PKD2L1: variants seen among roughly 807,000 people sequenced by gnomAD.
The protein encoded by PKD2L1 is polycystin 2 like 1, transient receptor potential cation channel.
In PKD2L1, 77 loss-of-function variants were observed where a neutral mutation model predicts 93.0. The ratio of observed to expected loss-of-function variants is 0.83; its 90% CI spans 0.69 to 1.00. PKD2L1 has a LOEUF of 1.00. Ranked by LOEUF, PKD2L1 falls within the 50% of genes least tolerant of loss-of-function variation. The pLI is 0.00. For missense variants in PKD2L1, 977 were observed against 990.9 expected, an observed-to-expected ratio of 0.99 and a Z score of 0.19; for synonymous variants, 390 against 388.0, an observed-to-expected ratio of 1.01 and a Z score of -0.06.
At chr10:100,314,985 A>G (rs1224962496) in intron 2 of PKD2L1, among the ~76,000 whole-genome samples, 1 of 8,516 alleles carries the variant, frequency 1.2e-4, no homozygotes, top group Non-Finnish European at 2.3e-4. Flanking sequence ...GAAGGAAGGA[A>G]GGAAGGAAGG....
intron 2 of PKD2L1, among the ~76,000 whole-genome samples, chr10:100,306,855 CAAAA>C (rs61413476): frequency 4.0e-5 from 2 of 49,888 alleles, no homozygotes; most frequent in Non-Finnish European, 6.5e-5. Context: ...GAGACCCTGT[CAAAA>C]AAAAAAAAAA....
rs1287742980 is a variant in PKD2L1 at position 100,297,195 on chromosome 10, A to G, written c.970T>C (p.Phe324Leu). ...LFCVLRLVVEFPATGGAIPSW... is the reference protein window; with the variant it reads ...LFCVLRLVVELPATGGAIPSW... ...GGGATGGCACCTCCTGTAGCTGGAA[A>G]CTCCACCACCAGCCTATAGGGGGAG... The change falls in exon 6 of 16, where the codon TTT becomes CTT. Residue 324 changes from phenylalanine to leucine, a missense_variant. By Grantham distance (22) the Phe-to-Leu change is conservative. Coordinates refer to ENST00000318222, the MANE Select transcript of PKD2L1 (RefSeq NM_016112.3). 1 of 1,613,350 alleles carries G rather than the reference A, an allele frequency of 6.2e-7. No individual in the cohort carries two copies. The highest frequency in any genetic ancestry group is 1.3e-5 in the African/African-American group (1 of 74,774).
chr10:100,328,610 A>T (rs1325548364), intron 2 of PKD2L1, among the ~76,000 whole-genome samples: 1 of 149,630 alleles, frequency 6.7e-6, no homozygotes. Context: ...TTTTGGAGAC[A>T]GAGAGACAGA....
At chr10:100,329,105 G>A (rs758165910) in intron 2 of PKD2L1, 106 bp downstream of exon 2, 3 of 1,049,246 alleles carry the variant, frequency 2.9e-6, no homozygotes, top group Non-Finnish European at 2.8e-6. Flanking sequence ...TGCTTACACA[G>A]ATAGATGCTC....
intron 13 of PKD2L1, 119 bp from the exon 14 acceptor site, chr10:100,290,257 C>T (rs1848376128): frequency 7.1e-7 from 1 of 1,404,882 alleles, no homozygotes; most frequent in African/African-American, 1.4e-5. Flanking sequence ...AGGGAAGACC[C>T]AGCCTTGTAG....
intron 2 of PKD2L1, among the ~76,000 whole-genome samples, chr10:100,321,646 C>G (rs1286387910): frequency 7.8e-6 from 1 of 128,644 alleles, no homozygotes; most frequent in Admixed American, 9.1e-5. Context: ...GCACTCCAGC[C>G]TGGGCAACAG....
chr10:100,290,579 G>T, intron 12 of PKD2L1, 60 bp from the exon 13 acceptor site: 1 of 1,040,318 alleles, frequency 9.6e-7, no homozygotes, highest in Non-Finnish European at 1.5e-6. Flanking sequence ...ATCAGCTCCT[G>T]TTCTATCACC....
At position 100,320,319 on chromosome 10, in the gene PKD2L1, C is replaced by G. The variant is rs116804199; in HGVS notation, c.349+8892G>C. On this transcript the variant is annotated intron_variant, in intron 2 of 15. Coordinates refer to ENST00000318222, the MANE Select transcript of PKD2L1 (RefSeq NM_016112.3). ...CATATTGCCTGCATGAAAAAGATAA[C>G]TCTATTTTAGCCAGATGAGATTCCA... Among the ~76,000 whole-genome samples, 1,445 of 152,282 alleles carry G rather than the reference C, an allele frequency of 9.5e-3. 18 individuals are homozygous for G. Among genetic ancestry groups the G allele is most frequent in the African/African-American group, 0.032 (1,322 of 41,550 alleles).
At position 100,291,748 on chromosome 10, in the gene PKD2L1, C is replaced by T. The variant is rs566937704; in HGVS notation, c.1881-321G>A. 2.5e-3 allele frequency among the ~76,000 whole-genome samples: 379 copies of T among 152,246 alleles called. 1 individual carries two copies. The highest frequency in any genetic ancestry group is 8.9e-3 in the African/African-American group (370 of 41,512). On this transcript the variant is annotated intron_variant, in intron 11 of 15. Transcript: ENST00000318222. ...CTGAAATCCATCCTCCATAATACAA[C>T]TAGAGTAATTAACCTTTCTAATATG...
At chr10:100,289,520 CAA>C (rs1183242892) in intron 14 of PKD2L1, among the ~76,000 whole-genome samples, 2 of 151,980 alleles carry the variant, frequency 1.3e-5, no homozygotes, top group Non-Finnish European at 2.9e-5. Context: ...GCCTGGCCAA[CAA>C]GAGTAAAATT....
At chr10:100,313,466 C>T (rs987646584) in intron 2 of PKD2L1, among the ~76,000 whole-genome samples, 1 of 152,096 alleles carries the variant, frequency 6.6e-6, no homozygotes, top group African/African-American at 2.4e-5. Flanking sequence ...GATAAGGGAG[C>T]GGTAACTAAG....
intron 14 of PKD2L1, 99 bp from the exon 15 acceptor site, chr10:100,289,155 A>T (rs1848347770): frequency 3.9e-6 from 3 of 772,646 alleles, no homozygotes; most frequent in Non-Finnish European, 6.3e-6. Context: ...ACTGCTATAG[A>T]CTGTTTGCGT....
intron 3 of PKD2L1, 151 bp downstream of exon 3, chr10:100,299,440 T>C (rs1848627999): frequency 1.2e-5 from 8 of 668,786 alleles, no homozygotes; most frequent in East Asian, 2.6e-5. Flanking sequence ...ACCTGAACTC[T>C]AGACTAACCC....
At chr10:100,317,424 A>G (rs148769855) in intron 2 of PKD2L1, among the ~76,000 whole-genome samples, 311 of 152,234 alleles carry the variant, frequency 2.0e-3, no homozygotes, top group African/African-American at 7.3e-3. Context: ...CTGTAGTCCC[A>G]GCTACTTGGG....
chr10:100,322,999 T>C (rs1849295953), intron 2 of PKD2L1, among the ~76,000 whole-genome samples: 1 of 152,198 alleles, frequency 6.6e-6, no homozygotes, highest in South Asian at 2.1e-4. Flanking sequence ...AAGTAGTCAG[T>C]GAGATAAAGT....
chr10:100,304,863 T>C (rs977256995), intron 2 of PKD2L1, among the ~76,000 whole-genome samples: 1 of 152,180 alleles, frequency 6.6e-6, no homozygotes, highest in Non-Finnish European at 1.5e-5. Context: ...AGAATGAGCA[T>C]GAGCACTGCA....
Position 100,294,640 on chromosome 10 carries a change from C to T in PKD2L1, c.1554G>A (p.Arg518=), listed in dbSNP as rs141868275. The T allele has an allele frequency of 2.0e-3, 3,167 of 1,614,116 alleles. 18 individuals carry two copies. The highest frequency in any genetic ancestry group is 0.012 in the South Asian group (1,056 of 91,078). ...TGTAGTCAAAGTCCCCGAGGATTAT[C>T]CGGAACTGAGTGAAACTGAGAGACC... ...TFIKCIFTQF[R]IILGDFDYNA... is the part of the protein sequence containing the mutation. Residue 518 remains arginine, a synonymous_variant, in exon 9 of 16, where the codon CGG becomes CGA. Coordinates refer to ENST00000318222, the MANE Select transcript of PKD2L1 (RefSeq NM_016112.3).
intron 2 of PKD2L1, among the ~76,000 whole-genome samples, chr10:100,318,083 CA>C (rs139393300): frequency 0.03 from 4,122 of 135,436 alleles, 108 homozygotes; most frequent in African/African-American, 0.069. Flanking sequence ...CTGTCTCAAA[CA>C]AAAAAAAAAA....
At chr10:100,319,807 G>C (rs548958804) in intron 2 of PKD2L1, among the ~76,000 whole-genome samples, 6 of 152,336 alleles carry the variant, frequency 3.9e-5, no homozygotes, top group Admixed American at 6.5e-5. Flanking sequence ...GCCATTTCCT[G>C]GCTTAGAGCC....
Sources: gnomAD v4.1 joint callset for allele counts (sites outside exome capture counted in the v4.1 genomes callset) on GRCh38, gnomAD v4.1.1 for gene constraint, MANE v1.5 for transcripts, NCBI Gene and HGNC (gene_info 2026-07-23, HGNC 2026-07-21) for gene names.